Variants in DUSP4 observed in about 807,000 individuals in gnomAD.
The protein encoded by DUSP4 is dual specificity phosphatase 4.
Under a neutral mutation model 27.2 loss-of-function variants are expected in DUSP4, and 12 were observed. The observed-to-expected ratio is 0.44, with a 90% CI of 0.28 to 0.71. DUSP4 has a LOEUF of 0.71. DUSP4 is among the 30% of genes least tolerant of loss of function. The pLI, the probability that DUSP4 is intolerant of heterozygous loss-of-function variation, is 0.14. For missense variants in DUSP4, 448 were observed against 551.3 expected, an observed-to-expected ratio of 0.81 and a Z score of 1.88; for synonymous variants, 257 against 245.2, an observed-to-expected ratio of 1.05 and a Z score of -0.45.
intron 1 of DUSP4, chr8:29,348,070 G>A (rs905112973): frequency 1.0e-6 from 1 of 985,492 alleles, no homozygotes; most frequent in African/African-American, 1.7e-5. Flanking sequence ...AGGAAGGAAA[G>A]CAAAACACAA....
At chr8:29,348,291 C>T (rs930906854) in intron 1 of DUSP4, 47 of 985,462 alleles carry the variant, frequency 4.8e-5, no homozygotes, top group Non-Finnish European at 5.1e-5. Flanking sequence ...ATCTCTCCCA[C>T]CAGCGCCGAC....
chr8:29,348,868 A>T, intron 1 of DUSP4: 1 of 893,164 alleles, frequency 1.1e-6, no homozygotes, highest in Admixed American at 6.2e-5. Flanking sequence ...CGGCGGCGGG[A>T]GGCGGAGGCG....
intron 1 of DUSP4, chr8:29,348,788 T>TG (rs917766881): frequency 5.0e-5 from 49 of 983,660 alleles, no homozygotes; most frequent in Middle Eastern, 5.2e-4. Context: ...TTGATGGGTG[T>TG]GGGGGGGTCT....
intron 1 of DUSP4, 35 bp downstream of exon 1, chr8:29,349,811 C>G: frequency 6.8e-7 from 1 of 1,466,670 alleles, no homozygotes; most frequent in Non-Finnish European, 9.0e-7. Context: ...CCTCCATCTC[C>G]CCGACTCCAG....
chr8:29,340,327 C>T (rs528213583), intron 1 of DUSP4, 84 bp from the exon 2 acceptor site: 22 of 1,489,466 alleles, frequency 1.5e-5, no homozygotes, highest in Admixed American at 9.3e-5. Flanking sequence ...CAGACTCAGG[C>T]GGACTGCTAG....
chr8:29,339,686 T>C (rs1262491183), intron 2 of DUSP4, among the ~76,000 whole-genome samples: 1 of 152,040 alleles, frequency 6.6e-6, no homozygotes, highest in Non-Finnish European at 1.5e-5. Context: ...CTCCCCAAAT[T>C]GAGGCATAAC....
chr8:29,341,369 C>A (rs1360689467), intron 1 of DUSP4, among the ~76,000 whole-genome samples: 1 of 152,248 alleles, frequency 6.6e-6, no homozygotes, highest in African/African-American at 2.4e-5. Flanking sequence ...AATGTGCAGA[C>A]ATGTGACGGT....
In DUSP4 at chr8:29,349,688, C is replaced by T. The variant is rs184789633; in HGVS notation, c.433+158G>A. 3.1e-3 allele frequency among the ~76,000 whole-genome samples: 475 copies of T among 152,360 alleles called. 2 individuals carry two copies. Among genetic ancestry groups the T allele is most frequent in the African/African-American group, 0.011 (453 of 41,588 alleles). The stretch of plus-strand genomic sequence containing the variant: ...TTGAACCTCGCACTTGCACAGAAAC[C>T]TTGCAAACCCCTACACACCAACACA... On this transcript the variant is annotated intron_variant, in intron 1 of 3. Transcript: ENST00000240100.
chr8:29,339,408 G>A lies in DUSP4; in HGVS notation c.579+690C>T, dbSNP rs597005. Reference sequence around the variant, plus strand: ...CCATCTATGTTCATTCGGCTGATACGTGGGAGCAGCCTGCCTGTCGGGGAC... The same window carrying A: ...CCATCTATGTTCATTCGGCTGATACATGGGAGCAGCCTGCCTGTCGGGGAC... On this transcript the variant is annotated intron_variant, in intron 2 of 3. Coordinates refer to ENST00000240100, the MANE Select transcript of DUSP4 (RefSeq NM_001394.7). Among the ~76,000 whole-genome samples, 222 of 152,262 alleles carry A rather than the reference G, an allele frequency of 1.5e-3. 1 individual carries two copies. Among genetic ancestry groups the A allele is most frequent in the African/African-American group, 4.2e-3 (173 of 41,546 alleles).
At position 29,340,139 on chromosome 8, in the gene DUSP4, C is replaced by G. The variant is rs756558274; in HGVS notation, c.538G>C (p.Asp180His). Residue 180 changes from aspartate to histidine, a missense_variant, in exon 2 of 4, where the codon GAC becomes CAC. Asp to His is a moderately conservative substitution (Grantham distance 81). Around this residue, in one of 3 missense-constraint regions of DUSP4, gnomAD observed 345 missense variants for 394.0 expected, o/e 0.88. Transcript: ENST00000240100. ...GTCCCACAGGAGCTGCAGCCCAGGT[C>G]CAAGGGCTCTGTGGCACTGGGGGGA... ...PVPPSATEPL[D>H]LGCSSCGTPL... 2.5e-6 allele frequency: 4 copies of G among 1,602,432 alleles called. No homozygotes were observed. Among genetic ancestry groups the G allele is most frequent in the Non-Finnish European group, 2.6e-6 (3 of 1,174,298 alleles).
At chr8:29,349,168 G>T (rs1031662094) in intron 1 of DUSP4, among the ~76,000 whole-genome samples, 5 of 152,232 alleles carry the variant, frequency 3.3e-5, no homozygotes, top group Admixed American at 2.0e-4. Flanking sequence ...GGCGCTAGAG[G>T]ACCGGTTCCG....
At position 29,336,499 on chromosome 8, in the gene DUSP4, T is replaced by C. The variant is rs41276299; in HGVS notation, c.*527A>G. The stretch of plus-strand genomic sequence containing the variant: ...CTTTATTATTAAGCATAATTATTCA[T>C]CTGTTGGTGACTGAGAAATGAAAAC... On this transcript the variant is annotated 3_prime_UTR_variant, in exon 4 of 4. Transcript: ENST00000240100. 0.066 allele frequency: 10,072 copies of C among 152,588 alleles called. 460 individuals are homozygous for C. The highest frequency in any genetic ancestry group is 0.12 in the African/African-American group (4,873 of 41,506). 9.5% of individuals were successfully genotyped at this position (152,588 alleles called of 1,614,324 possible). A position where few individuals can be genotyped will look rare whatever the true frequency, so the allele number is the denominator to read the frequency against.
rs942074058 is a variant in DUSP4 at position 29,335,254 on chromosome 8, A to G, written c.*1772T>C. ...AGAAAACGTGTCTCCCTCCAAAGCC[A>G]TTCTCCATTTAGAAAGGCCCAACTA... On this transcript the variant is annotated 3_prime_UTR_variant, in exon 4 of 4. Transcript: ENST00000240100. 1 of 123,806 alleles carries G rather than the reference A, an allele frequency of 8.1e-6. No homozygotes were observed. The highest frequency in any genetic ancestry group is 1.6e-5 in the Non-Finnish European group (1 of 60,794). The allele number at this position is 123,806 out of a possible 1,614,324, so 7.7% of individuals were successfully genotyped here.
rs1330930688 is a variant in DUSP4, at chr8:29,334,205, G to A, written c.*2821C>T. The A allele has an allele frequency of 6.6e-6, 1 of 152,232 alleles. No individual in the cohort carries two copies. The highest frequency in any genetic ancestry group is 1.5e-5 in the Non-Finnish European group (1 of 68,056). The allele number at this position is 152,232 out of a possible 1,614,324, so 9.4% of individuals were successfully genotyped here. A position where few individuals can be genotyped will look rare whatever the true frequency, so the allele number is the denominator to read the frequency against. ...GCTAATACCAAAGTTGACAATCAAT[G>A]AGGGTCAATGCTTTCCTGTCATTAC... On this transcript the variant is annotated 3_prime_UTR_variant, in exon 4 of 4. Transcript: ENST00000240100.
chr8:29,341,632 T>C lies in DUSP4; in HGVS notation c.434-1389A>G, dbSNP rs531064253. Among the ~76,000 whole-genome samples, 254 of 152,320 alleles carry C rather than the reference T, an allele frequency of 1.7e-3. 1 individual carries two copies. Among genetic ancestry groups the C allele is most frequent in the African/African-American group, 5.8e-3 (242 of 41,570 alleles). On this transcript the variant is annotated intron_variant, in intron 1 of 3. Coordinates refer to ENST00000240100, the MANE Select transcript of DUSP4 (RefSeq NM_001394.7). ...ATGGAAAACCTGCTGGTGGGGCTGG[T>C]ACCGTCAGCCTCGGTCATGCTGGTG...
chr8:29,344,490 C>T (rs976567745), intron 1 of DUSP4, among the ~76,000 whole-genome samples: 1 of 152,160 alleles, frequency 6.6e-6, no homozygotes, highest in Admixed American at 6.5e-5. Flanking sequence ...TCCTAAATCT[C>T]TCATTTTATC....
rs1336960747 is a variant in DUSP4, at chr8:29,336,139, CT to C, written c.*886del. 6.6e-6 allele frequency: 1 copy of C among 150,916 alleles called. No individual in the cohort carries two copies. Among genetic ancestry groups the C allele is most frequent in the Non-Finnish European group, 1.5e-5 (1 of 67,874 alleles). 9.3% of individuals were successfully genotyped at this position (150,916 alleles called of 1,614,324 possible). A position where few individuals can be genotyped will look rare whatever the true frequency, so the allele number is the denominator to read the frequency against. On this transcript the variant is annotated 3_prime_UTR_variant, in exon 4 of 4. Coordinates refer to ENST00000240100, the MANE Select transcript of DUSP4 (RefSeq NM_001394.7). ...TCAAACCTAATTCTTCCCTTTCTTC[CT>C]CCTCCCACCCAACCCGCCTGCTTCT... is the stretch of plus-strand genomic sequence containing the variant.
Position 29,337,146 on chromosome 8 carries a change from C to G in DUSP4, c.1065G>C (p.Lys355Asn), listed in dbSNP as rs547859194. 1.2e-6 allele frequency: 2 copies of G among 1,611,054 alleles called. No individual in the cohort carries two copies. The highest frequency in any genetic ancestry group is 2.2e-5 in the South Asian group (2 of 90,758). Residue 355 changes from lysine (K) to asparagine (N), a missense_variant, in exon 4 of 4, where the codon AAG becomes AAC. By Grantham distance (94) the Lys-to-Asn change is moderately conservative. Around this residue, in one of 3 missense-constraint regions of DUSP4, gnomAD observed 100 missense variants for 139.8 expected, o/e 0.72. Coordinates refer to ENST00000240100, the MANE Select transcript of DUSP4 (RefSeq NM_001394.7). The surrounding 1 kb of genome is among the most constrained non-coding windows in gnomAD (Gnocchi z 6.4). The part of the protein sequence containing the change: ...SPSGPLRERG[K>N]TPATPTSQFV... ...ACTGCGAGGTGGGGGTGGCGGGGGT[C>G]TTGCCCCGCTCCCGCAGGGGTCCCG...
At chr8:29,345,063 T>A (rs760313663) in intron 1 of DUSP4, among the ~76,000 whole-genome samples, 3 of 152,192 alleles carry the variant, frequency 2.0e-5, no homozygotes, top group Non-Finnish European at 4.4e-5. Context: ...CCTCAAGTGA[T>A]CTGCCTGCCT....
Sources: allele counts gnomAD v4.1 joint callset (sites outside exome capture counted in the v4.1 genomes callset), GRCh38; gene constraint gnomAD v4.1.1; regional missense constraint gnomAD v4.1.1; non-coding constraint Gnocchi (gnomAD v3.1); transcripts MANE v1.5; gene names NCBI Gene and HGNC (gene_info 2026-07-23, HGNC 2026-07-21).